The following SYTL3 variants were observed in gnomAD, a reference collection of about 807,000 sequenced individuals.
SYTL3 encodes the protein synaptotagmin like 3.
SYTL3 carries 88 observed loss-of-function variants against 82.1 expected under a neutral mutation model. The ratio of observed to expected loss-of-function variants is 1.07; its 90% CI spans 0.90 to 1.28. SYTL3 has a LOEUF of 1.28. Among genes scored for constraint, SYTL3 ranks in the 50% most tolerant of loss-of-function variants. The probability of loss-of-function intolerance (pLI) is 0.00; values close to 1 mark genes in which losing one functional copy is unlikely to be tolerated. For synonymous variants in SYTL3, 311 were observed against 289.4 expected, an observed-to-expected ratio of 1.07 and a Z score of -0.76; for missense variants, 831 against 757.6, an observed-to-expected ratio of 1.10 and a Z score of -1.14.
intron 6 of SYTL3, among the ~76,000 whole-genome samples, chr6:158,695,485 A>G (rs1241426871): frequency 1.3e-5 from 2 of 152,256 alleles, no homozygotes; most frequent in Admixed American, 6.5e-5. Context: ...ATACTTAAAT[A>G]GGAAATAATT....
At chr6:158,701,505 T>C (rs1403781759) in intron 6 of SYTL3, among the ~76,000 whole-genome samples, 1 of 45,096 alleles carries the variant, frequency 2.2e-5, no homozygotes, top group African/African-American at 9.2e-5. Flanking sequence ...GGGGAGAGGG[T>C]CATGGAGGAG....
intron 11 of SYTL3, among the ~76,000 whole-genome samples, chr6:158,738,795 T>A (rs960871673): frequency 6.6e-6 from 1 of 152,216 alleles, no homozygotes; most frequent in Non-Finnish European, 1.5e-5. Flanking sequence ...GTAGCTGAGA[T>A]GACAGGTGTG....
intron 14 of SYTL3, among the ~76,000 whole-genome samples, chr6:158,757,799 A>G (rs1340620406): frequency 1.3e-5 from 2 of 152,152 alleles, no homozygotes; most frequent in African/African-American, 4.8e-5. Context: ...CACTCTCAAT[A>G]ATAGGTGACA....
chr6:158,688,943 T>A (rs1583240438), intron 6 of SYTL3, among the ~76,000 whole-genome samples: 1 of 152,358 alleles, frequency 6.6e-6, no homozygotes, highest in African/African-American at 2.4e-5. Flanking sequence ...TACAGTTTTA[T>A]CCTAATGTTT....
intron 12 of SYTL3, among the ~76,000 whole-genome samples, chr6:158,747,856 A>G (rs1787869515): frequency 6.6e-6 from 1 of 152,066 alleles, no homozygotes. Context: ...ACCTAATTTA[A>G]ATAGGTTTAA....
At chr6:158,677,705 CAAAAAAA>C (rs56865775) in intron 5 of SYTL3, among the ~76,000 whole-genome samples, 12,557 of 68,046 alleles carry the variant, frequency 0.18, 1,230 homozygotes, top group African/African-American at 0.4. Context: ...AACTCTGTCT[CAAAAAAA>C]AAAAAAAAAA....
At chr6:158,683,361 C>T (rs892922771) in intron 6 of SYTL3, among the ~76,000 whole-genome samples, 1 of 152,044 alleles carries the variant, frequency 6.6e-6, no homozygotes. Flanking sequence ...CCTGGGATTA[C>T]AGGCACGTGC....
At chr6:158,649,211 A>G (rs144941130), upstream of SYTL3, among the ~76,000 whole-genome samples, 2 of 152,362 alleles carry the variant, frequency 1.3e-5, no homozygotes, top group East Asian at 3.9e-4. Context: ...CTACATCAGC[A>G]GAATAGGCTA....
chr6:158,705,767 G>A (rs1443955655), intron 6 of SYTL3, among the ~76,000 whole-genome samples: 2 of 145,350 alleles, frequency 1.4e-5, no homozygotes, highest in Non-Finnish European at 3.0e-5. Flanking sequence ...GGGGACCCAG[G>A]AACAGGGTGA....
At chr6:158,746,459 ATATTAT>A (rs775751372) in intron 12 of SYTL3, among the ~76,000 whole-genome samples, 7 of 142,058 alleles carry the variant, frequency 4.9e-5, no homozygotes, top group Admixed American at 2.1e-4. Context: ...AATAATAATA[ATATTAT>A]TATTATTATT....
intron 8 of SYTL3, among the ~76,000 whole-genome samples, chr6:158,713,035 C>T (rs970576972): frequency 4.6e-5 from 7 of 152,196 alleles, no homozygotes; most frequent in African/African-American, 1.4e-4. Flanking sequence ...GCTGGGATTA[C>T]AGGCGTGAGC....
chr6:158,764,493 AGAGG>A lies in SYTL3; in HGVS notation c.1726_1729del (p.Gly576ThrfsTer29). 6.2e-7 allele frequency: 1 copy of A among 1,611,764 alleles called. No homozygotes were observed. Among genetic ancestry groups the A allele is most frequent in the Non-Finnish European group, 8.5e-7 (1 of 1,178,180 alleles). On this transcript the variant is annotated splice_acceptor_variant and coding_sequence_variant, in exon 18 of 18. Transcript: ENST00000611299. LOFTEE classifies it high-confidence loss of function. ...TGGCTAAATTGTCTTCCTCTCTTAC[AGAGG>A]GAGACACAGCTGTTGGCGGGGATGC...
At chr6:158,701,203 T>TCTAGGG in intron 6 of SYTL3, among the ~76,000 whole-genome samples, 1 of 104,586 alleles carries the variant, frequency 9.6e-6, no homozygotes, top group African/African-American at 4.5e-5. Flanking sequence ...TGAAGGAGTG[T>TCTAGGG]GAGCTGGGGT....
intron 11 of SYTL3, among the ~76,000 whole-genome samples, chr6:158,731,654 T>C (rs1785436653): frequency 6.6e-6 from 1 of 152,142 alleles, no homozygotes; most frequent in Non-Finnish European, 1.5e-5. Flanking sequence ...AGTGCAGGGG[T>C]GCAATCTCAG....
intron 12 of SYTL3, among the ~76,000 whole-genome samples, chr6:158,745,928 C>T (rs911815136): frequency 2.0e-5 from 3 of 152,106 alleles, no homozygotes; most frequent in African/African-American, 7.2e-5. Context: ...TAGTCCATTT[C>T]GGCTGCTGTG....
At chr6:158,694,261 A>G (rs1470366267) in intron 6 of SYTL3, among the ~76,000 whole-genome samples, 1 of 151,998 alleles carries the variant, frequency 6.6e-6, no homozygotes, top group Non-Finnish European at 1.5e-5. Context: ...GTTTCTAGAT[A>G]ATAATCTTCC....
In SYTL3 at chr6:158,697,341, TTGGGAGGCTGAGG is replaced by T. The variant is rs200720844; in HGVS notation, c.395-9881_395-9869del. 6.5e-3 allele frequency among the ~76,000 whole-genome samples: 973 copies of T among 150,632 alleles called. 12 individuals carry two copies. The highest frequency in any genetic ancestry group is 0.022 in the African/African-American group (908 of 40,966). On this transcript the variant is annotated intron_variant, in intron 6 of 17. Coordinates refer to ENST00000611299, the MANE Select transcript of SYTL3 (RefSeq NM_001242394.2). ...GGTCCACGCCTGTGGTCCCAGCTACTTGGGAGGCTGAGGTGGGAGGATCATTTGAATCTATGGT... is the reference window on the plus strand; with the variant it reads ...GGTCCACGCCTGTGGTCCCAGCTACTTGGGAGGATCATTTGAATCTATGGT...
chr6:158,677,635 G>A lies in SYTL3; in HGVS notation c.330-5290G>A, dbSNP rs578012183. ...CGGAAGAATCACTTGAACCCGGGAG[G>A]CAGAGGTTGCAGTGAGCCGAGATCA... is the stretch of plus-strand genomic sequence containing the variant. On this transcript the variant is annotated intron_variant, in intron 5 of 17. Transcript: ENST00000611299. Among the ~76,000 whole-genome samples the A allele has an allele frequency of 4.4e-3, 645 of 147,602 alleles. 6 individuals are homozygous for A. Among genetic ancestry groups the A allele is most frequent in the Non-Finnish European group, 5.9e-3 (398 of 67,434 alleles).
At chr6:158,760,559 G>A (rs1435914875) in intron 14 of SYTL3, 81 bp from the exon 15 acceptor site, 3 of 1,246,842 alleles carry the variant, frequency 2.4e-6, no homozygotes, top group Admixed American at 1.7e-5. Flanking sequence ...ATCTGTGGAC[G>A]AAGCTGAGAC....
Sources: gnomAD v4.1 joint callset for allele counts (sites outside exome capture counted in the v4.1 genomes callset) on GRCh38, gnomAD v4.1.1 for gene constraint, MANE v1.5 for transcripts, NCBI Gene and HGNC (gene_info 2026-07-23, HGNC 2026-07-21) for gene names.